The following MECOM variants were observed in gnomAD, a reference collection of about 807,000 sequenced individuals.
MECOM encodes MDS1 and EVI1 complex locus, also known as histone-lysine N-methyltransferase MECOM.
In MECOM, 13 loss-of-function variants were observed where a neutral mutation model predicts 116.3. The ratio of observed to expected loss-of-function variants is 0.11; its 90% CI spans 0.07 to 0.18. MECOM has a LOEUF of 0.18. Among genes scored for constraint, MECOM ranks in the 10% least tolerant of loss-of-function variants. The pLI, the probability that MECOM is intolerant of heterozygous loss-of-function variation, is 1.00. For missense variants in MECOM, 1,299 were observed against 1,509.0 expected (o/e 0.86, Z 2.31); for synonymous variants, 528 against 535.2 (o/e 0.99, Z 0.19).
intron 1 of MECOM, among the ~76,000 whole-genome samples, chr3:169,490,577 T>TA (rs1437215011): frequency 6.6e-6 from 1 of 151,898 alleles, no homozygotes; most frequent in African/African-American, 2.4e-5. Context: ...AGATGTTGAG[T>TA]AAAAAAAAGC....
intron 2 of MECOM, among the ~76,000 whole-genome samples, chr3:169,291,089 A>G (rs1714460343): frequency 6.6e-6 from 1 of 152,200 alleles, no homozygotes; most frequent in Non-Finnish European, 1.5e-5. Context: ...ATCCTTCTAT[A>G]TACTTTACCT....
At chr3:169,121,858 C>G (rs1394698880) in intron 6 of MECOM, among the ~76,000 whole-genome samples, 1 of 151,332 alleles carries the variant, frequency 6.6e-6, no homozygotes, top group Non-Finnish European at 1.5e-5. Context: ...GAATGACTAC[C>G]CAGTAACCTG....
At chr3:169,562,183 A>C (rs1003605180) in intron 1 of MECOM, among the ~76,000 whole-genome samples, 1 of 134,802 alleles carries the variant, frequency 7.4e-6, no homozygotes, top group Non-Finnish European at 1.6e-5. Context: ...AAAGAAAAAA[A>C]AAAGATAGAA....
At chr3:169,471,999 T>A (rs1280318680) in intron 1 of MECOM, among the ~76,000 whole-genome samples, 3 of 151,962 alleles carry the variant, frequency 2.0e-5, no homozygotes, top group Non-Finnish European at 4.4e-5. Flanking sequence ...TCATGTTGTC[T>A]GGAATTCTAA....
intron 2 of MECOM, among the ~76,000 whole-genome samples, chr3:169,271,907 T>C (rs1251582014): frequency 6.6e-6 from 1 of 152,076 alleles, no homozygotes; most frequent in Non-Finnish European, 1.5e-5. Flanking sequence ...CATAAAAAAA[T>C]TAACACCATC....
chr3:169,450,229 T>G (rs10513669), intron 1 of MECOM, among the ~76,000 whole-genome samples: 21,092 of 152,200 alleles, frequency 0.14, 1,784 homozygotes, highest in East Asian at 0.3. Context: ...CGTAAACCTA[T>G]TTGGCCACTT....
At chr3:169,396,828 C>T in intron 1 of MECOM, among the ~76,000 whole-genome samples, 1 of 152,058 alleles carries the variant, frequency 6.6e-6, no homozygotes, top group East Asian at 1.9e-4. Flanking sequence ...CAAAAACTAG[C>T]TGGGTGTGGT....
chr3:169,653,499 T>C (rs1315731519), intron 1 of MECOM, among the ~76,000 whole-genome samples: 1 of 152,158 alleles, frequency 6.6e-6, no homozygotes, highest in East Asian at 1.9e-4. Flanking sequence ...AAGCAGGAGT[T>C]CAAATGAAAT....
intron 2 of MECOM, among the ~76,000 whole-genome samples, chr3:169,322,688 C>T (rs991470016): frequency 1.3e-5 from 2 of 151,622 alleles, no homozygotes; most frequent in Admixed American, 1.3e-4. Context: ...TAAATGATAC[C>T]AATTCATCCA....
At chr3:169,098,354 C>T (rs766687330) in intron 12 of MECOM, among the ~76,000 whole-genome samples, 1 of 152,134 alleles carries the variant, frequency 6.6e-6, no homozygotes, top group African/African-American at 2.4e-5. Flanking sequence ...TACCCTGACA[C>T]TTCTGAATAA....
intron 2 of MECOM, among the ~76,000 whole-genome samples, chr3:169,354,360 CA>C (rs1726882967): frequency 6.6e-6 from 1 of 151,730 alleles, no homozygotes; most frequent in Non-Finnish European, 1.5e-5. Flanking sequence ...CTCTTTATTC[CA>C]AAAAACTAAT....
chr3:169,663,206 G>A (rs886781093), intron 1 of MECOM, 130 bp downstream of exon 1: 23 of 1,048,712 alleles, frequency 2.2e-5, no homozygotes, highest in Non-Finnish European at 3.3e-5. Flanking sequence ...CTGGGGCTGC[G>A]CTCCGCCTGC....
chr3:169,185,959 C>A (rs1397013553), intron 2 of MECOM, among the ~76,000 whole-genome samples: 1 of 152,136 alleles, frequency 6.6e-6, no homozygotes, highest in Non-Finnish European at 1.5e-5. Flanking sequence ...TGCTATTATA[C>A]AACTTCCTTT....
intron 2 of MECOM, among the ~76,000 whole-genome samples, chr3:169,358,507 T>G (rs1727660337): frequency 6.6e-6 from 1 of 150,844 alleles, no homozygotes; most frequent in Non-Finnish European, 1.5e-5. Flanking sequence ...CATCAAGAAC[T>G]GTATGCCTTC....
intron 2 of MECOM, among the ~76,000 whole-genome samples, chr3:169,285,602 G>A (rs1003728584): frequency 7.9e-5 from 12 of 152,280 alleles, no homozygotes; most frequent in Admixed American, 5.2e-4. Context: ...CCAGCTTGGG[G>A]AAAAGGTGAA....
At chr3:169,328,431 A>G (rs1331137372) in intron 2 of MECOM, among the ~76,000 whole-genome samples, 1 of 152,220 alleles carries the variant, frequency 6.6e-6, no homozygotes, top group African/African-American at 2.4e-5. Context: ...TAACGAAATG[A>G]AAAACCCAGA....
chr3:169,221,115 T>C (rs888622979), intron 2 of MECOM, among the ~76,000 whole-genome samples: 16 of 152,218 alleles, frequency 1.1e-4, no homozygotes, highest in Non-Finnish European at 2.4e-4. Flanking sequence ...CTCTCTTCTT[T>C]TTCTCATCTG....
chr3:169,207,028 G>A (rs965439878), intron 2 of MECOM, among the ~76,000 whole-genome samples: 2 of 152,118 alleles, frequency 1.3e-5, no homozygotes, highest in Non-Finnish European at 2.9e-5. Flanking sequence ...TGATGATATA[G>A]CATAAAGAAC....
chr3:169,273,795 A>C (rs960061730), intron 2 of MECOM, among the ~76,000 whole-genome samples: 1 of 152,102 alleles, frequency 6.6e-6, no homozygotes, highest in Non-Finnish European at 1.5e-5. Flanking sequence ...TAGCTCTTGG[A>C]AACCCTTGAA....
Sources: allele counts gnomAD v4.1 joint callset (sites outside exome capture counted in the v4.1 genomes callset), GRCh38; gene constraint gnomAD v4.1.1; transcripts MANE v1.5; gene names NCBI Gene and HGNC (gene_info 2026-07-23, HGNC 2026-07-21).